Variants in STS observed in about 807,000 individuals in gnomAD.
STS encodes steryl-sulfatase.
STS carries 7 observed loss-of-function variants against 26.8 expected under a neutral mutation model. The ratio of observed to expected loss-of-function variants is 0.26; its 90% CI spans 0.15 to 0.49. The LOEUF (loss-of-function observed/expected upper bound fraction) is 0.49. STS is among the 20% of genes least tolerant of loss of function. STS has a pLI of 0.98. For synonymous variants in STS, 199 were observed against 189.4 expected, an observed-to-expected ratio of 1.05 and a Z score of -0.42; for missense variants, 434 against 465.6, an observed-to-expected ratio of 0.93 and a Z score of 0.63.
intron 6 of STS, among the ~76,000 whole-genome samples, chrX:7,261,619 G>C (rs1333113461): frequency 9.0e-6 from 1 of 111,441 alleles, no homozygotes; most frequent in Admixed American, 9.6e-5. Flanking sequence ...GTTGGGAATG[G>C]GCAGTGGTTC....
At chrX:7,179,337 G>A (rs1239496665) in intron 1 of STS, among the ~76,000 whole-genome samples, 2 of 109,847 alleles carry the variant, frequency 1.8e-5, no homozygotes, top group African/African-American at 6.7e-5. Context: ...TCTCATGAAA[G>A]TGGTAACCAT....
chrX:7,186,472 G>A (rs1460016073), intron 1 of STS, among the ~76,000 whole-genome samples: 1 of 111,394 alleles, frequency 9.0e-6, no homozygotes, highest in African/African-American at 3.3e-5. Flanking sequence ...GTCTAGTGAG[G>A]TGGTCATGTT....
chrX:7,240,533 G>GTGTGTGTATA (rs1373072915), intron 2 of STS, among the ~76,000 whole-genome samples: 46 of 60,543 alleles, frequency 7.6e-4, no homozygotes, highest in African/African-American at 2.5e-3. Context: ...GTGTGTGTGT[G>GTGTGTGTATA]TATATATATA....
chrX:7,251,321 C>T (rs139608971), intron 2 of STS, among the ~76,000 whole-genome samples: 1 of 112,072 alleles, frequency 8.9e-6, no homozygotes, highest in Non-Finnish European at 1.9e-5. Flanking sequence ...AAGAGCAGTG[C>T]ATTCCTGAGC....
Position 7,147,943 on chromosome X carries a change from C to CA in STS, c.-273dup. The CA allele has an allele frequency of 4.8e-6, 3 of 618,885 alleles. No homozygotes were observed. The highest frequency in any genetic ancestry group is 7.5e-6 in the Non-Finnish European group (3 of 400,619). 51.0% of individuals were successfully genotyped at this position (618,885 alleles called of 1,213,427 possible). ...GCGCGCGGGAGCCCGAGCGTCCCTGCATGAACACCGCCCCGCCGCGGCCCC... is the reference window on the plus strand; with the variant it reads ...GCGCGCGGGAGCCCGAGCGTCCCTGCAATGAACACCGCCCCGCCGCGGCCCC... On this transcript the variant is annotated 5_prime_UTR_variant, in exon 1 of 11. The change creates a new upstream start codon in the 5' untranslated region. Transcript: ENST00000674429.
At chrX:7,210,620 G>A (rs1463502846) in intron 2 of STS, among the ~76,000 whole-genome samples, 3 of 105,520 alleles carry the variant, frequency 2.8e-5, no homozygotes, top group African/African-American at 1.0e-4. Context: ...TATATTAAAT[G>A]TATAATTATA....
intron 6 of STS, among the ~76,000 whole-genome samples, chrX:7,273,671 T>G (rs1314113735): frequency 1.8e-5 from 2 of 111,740 alleles, no homozygotes; most frequent in African/African-American, 6.5e-5. Flanking sequence ...GTACATACTT[T>G]GTTGAACCTA....
chrX:7,233,118 G>A (rs1377579180), intron 2 of STS, among the ~76,000 whole-genome samples: 1 of 90,093 alleles, frequency 1.1e-5, no homozygotes, highest in Non-Finnish European at 2.1e-5. Context: ...TTTTGAGATG[G>A]AGTCTCACTT....
chrX:7,327,470 G>A (rs144303759), intron 9 of STS, among the ~76,000 whole-genome samples: 2,239 of 106,442 alleles, frequency 0.021, 26 homozygotes, highest in Non-Finnish European at 0.033. Flanking sequence ...TGCAACCTGC[G>A]ACTCCCAAGC....
chrX:7,226,960 GTTGTT>G (rs1168728520), intron 2 of STS, among the ~76,000 whole-genome samples: 1 of 111,718 alleles, frequency 9.0e-6, no homozygotes, highest in Non-Finnish European at 1.9e-5. Context: ...TCCGTTTTTC[GTTGTT>G]TTGTTTTGTT....
chrX:7,254,577 CTTTTTTT>C (rs34965003), intron 3 of STS, among the ~76,000 whole-genome samples: 1 of 73,072 alleles, frequency 1.4e-5, no homozygotes, highest in Non-Finnish European at 2.6e-5. Context: ...TTTTCTTCTT[CTTTTTTT>C]TTTTTTTTTT....
Position 7,257,663 on chromosome X carries a change from A to G in STS, c.382+75A>G, listed in dbSNP as rs1306172744. ...GGAGGACTTGGACAAAGTTAGCAAA[A>G]GAGTGGGAGAGGACATCATGACAGT... On this transcript the variant is annotated intron_variant, in intron 5 of 10. Transcript: ENST00000674429. The G allele has an allele frequency of 6.1e-6, 7 of 1,145,007 alleles. No individual in the cohort carries two copies. In the Admixed American group the frequency reaches 1.1e-4, roughly 18 times the overall value. The allele number at this position is 1,145,007 out of a possible 1,213,427, so 94.4% of individuals were successfully genotyped here.
chrX:7,231,992 A>G (rs1042564242), intron 2 of STS, among the ~76,000 whole-genome samples: 3 of 111,361 alleles, frequency 2.7e-5, no homozygotes, highest in African/African-American at 6.5e-5. Context: ...TTTTTTCTGT[A>G]AACATTTTCA....
chrX:7,171,627 T>C (rs1302676822), intron 1 of STS, among the ~76,000 whole-genome samples: 1 of 112,228 alleles, frequency 8.9e-6, no homozygotes, highest in Non-Finnish European at 1.9e-5. Context: ...TGGGATTTTA[T>C]TAGCCATAAT....
chrX:7,287,594 T>C (rs1453153437), intron 7 of STS, among the ~76,000 whole-genome samples: 1 of 111,681 alleles, frequency 9.0e-6, no homozygotes, highest in Non-Finnish European at 1.9e-5. Flanking sequence ...GATTTTCATT[T>C]TACCTTTCTT....
At chrX:7,317,220 A>G (rs1344880955) in intron 8 of STS, among the ~76,000 whole-genome samples, 1 of 111,307 alleles carries the variant, frequency 9.0e-6, no homozygotes, top group Non-Finnish European at 1.9e-5. Flanking sequence ...AAAAAGTTAA[A>G]CTTAGACCAT....
At chrX:7,308,593 G>C (rs145511361) in intron 8 of STS, among the ~76,000 whole-genome samples, 4,339 of 111,487 alleles carry the variant, frequency 0.039, 193 homozygotes, top group African/African-American at 0.13. Flanking sequence ...AGCATGTCAG[G>C]AGCTACTCCA....
chrX:7,285,259 G>A (rs1156240322), intron 7 of STS, among the ~76,000 whole-genome samples: 3 of 111,456 alleles, frequency 2.7e-5, no homozygotes, highest in African/African-American at 9.8e-5. Flanking sequence ...TATTCTTGCT[G>A]TTCCTCATAT....
chrX:7,279,576 C>A (rs1327790200), intron 7 of STS, among the ~76,000 whole-genome samples: 1 of 107,903 alleles, frequency 9.3e-6, no homozygotes, highest in Non-Finnish European at 1.9e-5. Context: ...TTTAAATGAT[C>A]CTTGGAGTTA....
Sources: gnomAD v4.1 joint callset for allele counts (sites outside exome capture counted in the v4.1 genomes callset) on GRCh38, gnomAD v4.1.1 for gene constraint, MANE v1.5 for transcripts, NCBI Gene and HGNC (gene_info 2026-07-23, HGNC 2026-07-21) for gene names.